Variants in NOS1AP observed in about 807,000 individuals in gnomAD.
The protein encoded by NOS1AP is nitric oxide synthase 1 adaptor protein, also known as carboxyl-terminal PDZ ligand of neuronal nitric oxide synthase protein.
In NOS1AP, 21 loss-of-function variants were observed where a neutral mutation model predicts 56.2. The ratio of observed to expected loss-of-function variants is 0.37; its 90% CI spans 0.26 to 0.54. NOS1AP has a LOEUF of 0.54. NOS1AP is among the 20% of genes least tolerant of loss of function. The probability of loss-of-function intolerance (pLI) is 0.84; values close to 1 mark genes in which losing one functional copy is unlikely to be tolerated. For synonymous variants in NOS1AP, 270 were observed against 274.6 expected, an observed-to-expected ratio of 0.98 and a Z score of 0.17; for missense variants, 522 against 657.8, an observed-to-expected ratio of 0.79 and a Z score of 2.26.
intron 2 of NOS1AP, among the ~76,000 whole-genome samples, chr1:162,190,005 G>A (rs1042830588): frequency 1.3e-5 from 2 of 152,162 alleles, no homozygotes; most frequent in East Asian, 1.9e-4. Flanking sequence ...AAGATGAAGA[G>A]GGGCCAGTCC....
At chr1:162,162,713 A>C (rs1009543958) in intron 2 of NOS1AP, among the ~76,000 whole-genome samples, 1 of 152,150 alleles carries the variant, frequency 6.6e-6, no homozygotes, top group African/African-American at 2.4e-5. Context: ...AAACCCTGTA[A>C]GTAATTTCTA....
chr1:162,083,534 C>T (rs933581237), intron 1 of NOS1AP, among the ~76,000 whole-genome samples: 1 of 152,274 alleles, frequency 6.6e-6, no homozygotes, highest in Middle Eastern at 3.4e-3. Flanking sequence ...AGCCACTGTG[C>T]CTGGCCTCAA....
chr1:162,226,905 A>G (rs1441863710), intron 2 of NOS1AP, among the ~76,000 whole-genome samples: 1 of 147,626 alleles, frequency 6.8e-6, no homozygotes. Context: ...CTTCTTTCTC[A>G]GTATACTAGT....
chr1:162,277,806 G>C (rs561497539), intron 2 of NOS1AP, among the ~76,000 whole-genome samples: 86 of 152,160 alleles, frequency 5.7e-4, no homozygotes, highest in Non-Finnish European at 9.6e-4. Context: ...AAGGGATTTA[G>C]GGACCACTTC....
intron 1 of NOS1AP, among the ~76,000 whole-genome samples, chr1:162,073,356 T>C (rs1691699375): frequency 6.6e-6 from 1 of 152,246 alleles, no homozygotes; most frequent in African/African-American, 2.4e-5. Context: ...TATGGAATAT[T>C]CACTCTATGT....
intron 2 of NOS1AP, among the ~76,000 whole-genome samples, chr1:162,238,868 G>C (rs763485090): frequency 6.6e-5 from 10 of 152,214 alleles, no homozygotes; most frequent in Non-Finnish European, 1.5e-4. Context: ...CTGCACCCAT[G>C]TTACTCAGCA....
chr1:162,349,490 C>A (rs1405517912), intron 6 of NOS1AP, among the ~76,000 whole-genome samples: 1 of 152,162 alleles, frequency 6.6e-6, no homozygotes, highest in East Asian at 1.9e-4. Flanking sequence ...AGCACTGGAA[C>A]CACTGGGACT....
At chr1:162,217,755 CTT>C (rs1248063157) in intron 2 of NOS1AP, among the ~76,000 whole-genome samples, 2 of 152,190 alleles carry the variant, frequency 1.3e-5, no homozygotes, top group African/African-American at 2.4e-5. Context: ...ATCCTGTCCT[CTT>C]TTCTGTGCAT....
chr1:162,208,654 A>G (rs1364497193), intron 2 of NOS1AP, among the ~76,000 whole-genome samples: 3 of 152,222 alleles, frequency 2.0e-5, no homozygotes, highest in Non-Finnish European at 4.4e-5. Context: ...ATGACCCCAG[A>G]CATTGCCAAA....
intron 1 of NOS1AP, among the ~76,000 whole-genome samples, chr1:162,101,630 C>T (rs1026946261): frequency 1.2e-4 from 18 of 152,068 alleles, no homozygotes; most frequent in South Asian, 4.1e-4. Context: ...CAGTTGTTTG[C>T]GGTTCCCCTT....
intron 2 of NOS1AP, among the ~76,000 whole-genome samples, chr1:162,242,173 C>A (rs905789225): frequency 6.6e-6 from 1 of 152,168 alleles, no homozygotes; most frequent in Non-Finnish European, 1.5e-5. Context: ...TATTCCCTGA[C>A]CTCAAGTGAA....
chr1:162,257,713 G>A (rs1196665273), intron 2 of NOS1AP, among the ~76,000 whole-genome samples: 8 of 152,088 alleles, frequency 5.3e-5, no homozygotes. Flanking sequence ...ACTGTCAAAG[G>A]CACTGTCATC....
At chr1:162,173,316 A>G (rs115827564) in intron 2 of NOS1AP, among the ~76,000 whole-genome samples, 1,578 of 152,162 alleles carry the variant, frequency 0.01, 13 homozygotes, top group Non-Finnish European at 0.017. Flanking sequence ...TCCATTTATT[A>G]AATAGGATTC....
At chr1:162,215,345 G>A (rs763256069) in intron 2 of NOS1AP, among the ~76,000 whole-genome samples, 1 of 152,224 alleles carries the variant, frequency 6.6e-6, no homozygotes, top group African/African-American at 2.4e-5. Flanking sequence ...TGGCTTGCTG[G>A]GTGGGCCACA....
intron 1 of NOS1AP, among the ~76,000 whole-genome samples, chr1:162,139,292 T>C (rs1173360581): frequency 6.6e-5 from 10 of 152,128 alleles, no homozygotes; most frequent in Non-Finnish European, 1.5e-5. Flanking sequence ...CAGGGGTCTC[T>C]GGGTTGGAAG....
chr1:162,239,257 C>T lies in NOS1AP; in HGVS notation c.178-48087C>T, dbSNP rs145566813. Among the ~76,000 whole-genome samples, 397 of 152,244 alleles carry T rather than the reference C, an allele frequency of 2.6e-3. 1 individual carries two copies. The highest frequency in any genetic ancestry group is 9.0e-3 in the African/African-American group (374 of 41,544). ...ATGTGGGCAGGTGCCTCTAGGAGAGCCGAGGAAGCTCATCTAAGGAACGTG... is the reference window on the plus strand; with the variant it reads ...ATGTGGGCAGGTGCCTCTAGGAGAGTCGAGGAAGCTCATCTAAGGAACGTG... On this transcript the variant is annotated intron_variant, in intron 2 of 9. Transcript: ENST00000361897.
intron 1 of NOS1AP, among the ~76,000 whole-genome samples, chr1:162,085,770 G>A (rs1252164853): frequency 6.6e-6 from 1 of 152,140 alleles, no homozygotes; most frequent in Non-Finnish European, 1.5e-5. Flanking sequence ...AAGGATGTCA[G>A]CCTCACTGGG....
chr1:162,099,197 G>GTTTTTTTTTTTT (rs71581447), intron 1 of NOS1AP, among the ~76,000 whole-genome samples: 1 of 141,398 alleles, frequency 7.1e-6, no homozygotes, highest in Non-Finnish European at 1.5e-5. Context: ...CTTTTTTTTT[G>GTTTTTTTTTTTT]TTTTTTTTTT....
At chr1:162,137,588 T>C (rs1334311589) in intron 1 of NOS1AP, among the ~76,000 whole-genome samples, 1 of 152,104 alleles carries the variant, frequency 6.6e-6, no homozygotes, top group Non-Finnish European at 1.5e-5. Context: ...GAAATCTGTA[T>C]GTGAGGATCT....
Sources: allele counts gnomAD v4.1 joint callset (sites outside exome capture counted in the v4.1 genomes callset), GRCh38; gene constraint gnomAD v4.1.1; transcripts MANE v1.5; gene names NCBI Gene and HGNC (gene_info 2026-07-23, HGNC 2026-07-21).